LIPI: variants seen among roughly 807,000 people sequenced by gnomAD.
LIPI encodes the protein lipase member I.
Under a neutral mutation model 50.6 loss-of-function variants are expected in LIPI, and 59 were observed. The ratio of observed to expected loss-of-function variants is 1.16; its 90% CI spans 0.94 to 1.45. The LOEUF (loss-of-function observed/expected upper bound fraction) is 1.45, where lower values mean the gene tolerates loss of function less well. LIPI is among the 40% of genes most tolerant of loss of function. The pLI, the probability that LIPI is intolerant of heterozygous loss-of-function variation, is 0.00. For synonymous variants in LIPI, 203 were observed against 178.2 expected, an observed-to-expected ratio of 1.14 and a Z score of -1.11; for missense variants, 586 against 536.3, an observed-to-expected ratio of 1.09 and a Z score of -0.92.
At chr21:14,142,672 T>G (rs1347205087) in intron 9 of LIPI, among the ~76,000 whole-genome samples, 1 of 151,376 alleles carries the variant, frequency 6.6e-6, no homozygotes, top group African/African-American at 2.4e-5. Flanking sequence ...TTTGTAGAGA[T>G]AGGATTTTGC....
chr21:14,132,461 A>G (rs780945609), intron 9 of LIPI, among the ~76,000 whole-genome samples: 1 of 152,202 alleles, frequency 6.6e-6, no homozygotes, highest in Non-Finnish European at 1.5e-5. Context: ...AAATATTTAT[A>G]TCCTTCCAGA....
At chr21:14,166,304 T>C in intron 5 of LIPI, 58 bp downstream of exon 5, 1 of 987,856 alleles carries the variant, frequency 1.0e-6, no homozygotes, top group Admixed American at 1.7e-5. Context: ...AAAAGTAAGT[T>C]ATTTTCTTTC....
intron 9 of LIPI, among the ~76,000 whole-genome samples, chr21:14,143,358 T>C (rs1179980596): frequency 1.3e-5 from 2 of 152,160 alleles, no homozygotes; most frequent in Non-Finnish European, 2.9e-5. Context: ...ATTTTTGCCA[T>C]TATAGCAACA....
At chr21:14,164,433 C>A (rs1172190259) in intron 6 of LIPI, among the ~76,000 whole-genome samples, 1 of 152,104 alleles carries the variant, frequency 6.6e-6, no homozygotes, top group Non-Finnish European at 1.5e-5. Flanking sequence ...ACAGTGCATA[C>A]CCCTCCTAGG....
chr21:14,109,135 A>T, intron 9 of LIPI, 55 bp from the exon 10 acceptor site: 2 of 1,363,822 alleles, frequency 1.5e-6, no homozygotes, highest in South Asian at 1.2e-5. Context: ...AAAACAACAG[A>T]GTTGATTTCC....
intron 9 of LIPI, among the ~76,000 whole-genome samples, chr21:14,128,957 A>G (rs2122984916): frequency 6.6e-6 from 1 of 152,250 alleles, no homozygotes; most frequent in East Asian, 1.9e-4. Flanking sequence ...AAAGAGTTTG[A>G]ACAAGATGTT....
Position 14,181,848 on chromosome 21 carries a change from C to A in LIPI, c.553G>T (p.Ala185Ser). ...GGTTTTCTGGAGAACCTTGGCCCAG[C>A]AGGGTCAAGACCTGGAAAGCAAGAA... ...QLGRITGLDP[A>S]GPRFSRKPPY... Residue 185 changes from alanine to serine, a missense_variant, in exon 4 of 10, where the codon GCT becomes TCT. Physicochemically the swap from Ala to Ser is moderately conservative, Grantham distance 99. Coordinates refer to ENST00000681601, the MANE Select transcript of LIPI (RefSeq NM_001302998.2). 6.2e-7 allele frequency: 1 copy of A among 1,606,012 alleles called. No individual in the cohort carries two copies. Among genetic ancestry groups the A allele is most frequent in the Non-Finnish European group, 8.5e-7 (1 of 1,173,258 alleles).
chr21:14,154,493 A>G (rs911411991), intron 7 of LIPI, among the ~76,000 whole-genome samples: 3 of 152,086 alleles, frequency 2.0e-5, no homozygotes, highest in Non-Finnish European at 4.4e-5. Flanking sequence ...AGGGAATAAG[A>G]CAAAATGTAG....
Position 14,168,298 on chromosome 21 carries a change from T to C in LIPI, c.644-1847A>G, listed in dbSNP as rs575935619. Among the ~76,000 whole-genome samples the C allele has an allele frequency of 3.9e-3, 594 of 152,306 alleles. 4 individuals carry two copies. Among genetic ancestry groups the C allele is most frequent in the African/African-American group, 0.013 (559 of 41,552 alleles). On this transcript the variant is annotated intron_variant, in intron 4 of 9. Coordinates refer to ENST00000681601, the MANE Select transcript of LIPI (RefSeq NM_001302998.2). ...AAGTTGGAAAACACTCTGCAAGATA[T>C]TATCCAGGAGGACTTCCCCAATCTA...
intron 1 of LIPI, among the ~76,000 whole-genome samples, chr21:14,190,220 A>G (rs1365404319): frequency 1.3e-5 from 2 of 152,144 alleles, no homozygotes; most frequent in Non-Finnish European, 2.9e-5. Context: ...GAAAATAAAT[A>G]ACTAAACCAG....
chr21:14,145,556 A>G (rs2017871611), intron 8 of LIPI, among the ~76,000 whole-genome samples: 2 of 152,062 alleles, frequency 1.3e-5, no homozygotes. Context: ...TCACTAGAAA[A>G]AACTGATGGC....
chr21:14,169,653 G>C (rs1425400556), intron 4 of LIPI, among the ~76,000 whole-genome samples: 14 of 152,086 alleles, frequency 9.2e-5, no homozygotes, highest in Admixed American at 3.9e-4. Context: ...TAAAGATGTT[G>C]TTTGAAACCA....
intron 4 of LIPI, among the ~76,000 whole-genome samples, chr21:14,176,811 T>C (rs1327180751): frequency 6.6e-6 from 1 of 151,592 alleles, no homozygotes; most frequent in African/African-American, 2.4e-5. Context: ...TATTATACTT[T>C]AAGTTCTATG....
At chr21:14,206,218 G>C (rs1026264220) in intron 1 of LIPI, among the ~76,000 whole-genome samples, 3 of 152,126 alleles carry the variant, frequency 2.0e-5, no homozygotes, top group African/African-American at 7.2e-5. Flanking sequence ...GTGAGCAGCT[G>C]AGACTCAAGT....
chr21:14,132,856 G>T (rs2123005635), intron 9 of LIPI, among the ~76,000 whole-genome samples: 1 of 152,266 alleles, frequency 6.6e-6, no homozygotes, highest in South Asian at 2.1e-4. Flanking sequence ...GATCTTGAGA[G>T]ACTATTATTA....
At chr21:14,152,718 T>A (rs766349298) in intron 7 of LIPI, 34 bp from the exon 8 acceptor site, 4 of 1,115,950 alleles carry the variant, frequency 3.6e-6, no homozygotes, top group Non-Finnish European at 5.4e-6. Context: ...CAACTCACAT[T>A]ATTTTTTAAT....
chr21:14,173,192 T>C (rs2123204509), intron 4 of LIPI, among the ~76,000 whole-genome samples: 1 of 152,310 alleles, frequency 6.6e-6, no homozygotes, highest in East Asian at 1.9e-4. Flanking sequence ...TGAAGTCTAA[T>C]GTGTAAGAGG....
In LIPI at chr21:14,137,221, A is replaced by G. The variant is rs566307835; in HGVS notation, c.1295+7402T>C. Among the ~76,000 whole-genome samples, 3 of 152,328 alleles carry G rather than the reference A, an allele frequency of 2.0e-5. No homozygotes were observed. In the South Asian group the frequency reaches 6.2e-4, roughly 32 times the overall value. The stretch of plus-strand genomic sequence containing the variant: ...TCAACACCATGCAGGAAAACATGAC[A>G]TCAACAAAGGAACTAAATAAGGCAC... On this transcript the variant is annotated intron_variant, in intron 9 of 9. Coordinates refer to ENST00000681601, the MANE Select transcript of LIPI (RefSeq NM_001302998.2).
At chr21:14,195,975 T>C (rs1002190148) in intron 1 of LIPI, among the ~76,000 whole-genome samples, 1 of 152,144 alleles carries the variant, frequency 6.6e-6, no homozygotes, top group Admixed American at 6.6e-5. Context: ...ACTGAAACCC[T>C]TGAACATTGC....
Sources: gnomAD v4.1 joint callset for allele counts (sites outside exome capture counted in the v4.1 genomes callset) on GRCh38, gnomAD v4.1.1 for gene constraint, MANE v1.5 for transcripts, NCBI Gene and HGNC (gene_info 2026-07-23, HGNC 2026-07-21) for gene names.